Variants in XRRA1 observed in about 807,000 individuals in gnomAD.
XRRA1 encodes the protein X-ray radiation resistance associated 1, also known as X-ray radiation resistance-associated protein 1.
A neutral mutation model predicts 80.2 loss-of-function variants in XRRA1; 69 were observed. The observed-to-expected ratio is 0.86, with a 90% CI of 0.71 to 1.05. The LOEUF (loss-of-function observed/expected upper bound fraction) is 1.05. XRRA1 is among the 50% of genes least tolerant of loss of function. The pLI is 0.00. For synonymous variants in XRRA1, 348 were observed against 389.9 expected (o/e 0.89, Z 1.27); for missense variants, 967 against 976.4 (o/e 0.99, Z 0.13).
chr11:74,936,830 T>C, intron 4 of XRRA1, 54 bp downstream of exon 4: 1 of 1,548,708 alleles, frequency 6.5e-7, no homozygotes. Context: ...CCTTCCCCAC[T>C]TCCTCCCCAC....
At position 74,842,998 on chromosome 11, in the gene XRRA1, TG is replaced by T; in HGVS notation, c.*201del. On this transcript the variant is annotated 3_prime_UTR_variant, in exon 19 of 19. Coordinates refer to ENST00000684022, the MANE Select transcript of XRRA1 (RefSeq NM_001378157.1). ...CTGTGCACCCACTCTTTATTGCCGC[TG>T]GGCCAGGCACCAGGTCATGCCTGGG... The T allele has an allele frequency of 1.5e-6, 1 of 658,586 alleles. No homozygotes were observed. 40.8% of individuals were successfully genotyped at this position (658,586 alleles called of 1,614,324 possible). A position where few individuals can be genotyped will look rare whatever the true frequency, so the allele number is the denominator to read the frequency against.
At chr11:74,940,715 G>T in intron 3 of XRRA1, 70 bp downstream of exon 3, 1 of 1,261,246 alleles carries the variant, frequency 7.9e-7, no homozygotes, top group Non-Finnish European at 1.1e-6. Context: ...AGAAGAACAA[G>T]TAGATGTGAG....
At chr11:74,890,780 T>C (rs2050462846) in intron 10 of XRRA1, among the ~76,000 whole-genome samples, 1 of 152,106 alleles carries the variant, frequency 6.6e-6, no homozygotes, top group Admixed American at 6.6e-5. Flanking sequence ...AACACCTCTA[T>C]GCAAATAAAC....
intron 10 of XRRA1, among the ~76,000 whole-genome samples, chr11:74,902,324 A>T (rs1266234179): frequency 6.6e-6 from 1 of 152,228 alleles, no homozygotes; most frequent in Non-Finnish European, 1.5e-5. Context: ...CTGGGAATGT[A>T]AATTAGCACA....
chr11:74,881,161 A>G (rs2047464020), intron 10 of XRRA1, among the ~76,000 whole-genome samples: 1 of 149,592 alleles, frequency 6.7e-6, no homozygotes, highest in Non-Finnish European at 1.5e-5. Flanking sequence ...TTGGGTGCAT[A>G]TATATTTAGG....
intron 10 of XRRA1, among the ~76,000 whole-genome samples, chr11:74,870,819 A>T (rs923377704): frequency 6.6e-6 from 1 of 152,138 alleles, no homozygotes; most frequent in Non-Finnish European, 1.5e-5. Context: ...AAACTCAACA[A>T]TGAGGAGGAA....
rs754619004 is a variant in XRRA1, at chr11:74,845,048, A to C, written c.1927+25T>G. 2.5e-6 allele frequency: 4 copies of C among 1,610,492 alleles called. No individual in the cohort carries two copies. In the Admixed American group the frequency reaches 6.7e-5, roughly 27 times the overall value. On this transcript the variant is annotated intron_variant, in intron 16 of 18. Transcript: ENST00000684022. The stretch of plus-strand genomic sequence containing the variant: ...AGCTGTGGAGATGGCCTCTTGCCCT[A>C]GAGCAAGGATATGCCCTCACATACC...
chr11:74,892,698 C>A (rs1403254199), intron 10 of XRRA1, among the ~76,000 whole-genome samples: 2 of 152,046 alleles, frequency 1.3e-5, no homozygotes, highest in Non-Finnish European at 2.9e-5. Context: ...TGAACTCAAA[C>A]AAATTTACAA....
chr11:74,906,256 T>G lies in XRRA1; in HGVS notation c.986A>C (p.Lys329Thr). The G allele has an allele frequency of 1.2e-6, 2 of 1,613,626 alleles. No individual in the cohort carries two copies. The highest frequency in any genetic ancestry group is 1.7e-6 in the Non-Finnish European group (2 of 1,179,682). The change falls in exon 10 of 19, where the codon AAG (lysine) becomes ACG (threonine). Residue 329 changes from lysine (K) to threonine (T), a missense_variant. Transcript: ENST00000684022. ...QLDYTVLPMK[K>T]DVDRTEVVFS... The stretch of plus-strand genomic sequence containing the variant: ...TCACTCACCTGTCCGGTCAACATCC[T>G]TTTTCATGGGCAGTACAGTATAATC...
chr11:74,940,982 A>G (rs1236909205), intron 2 of XRRA1, 100 bp from the exon 3 acceptor site: 2 of 784,028 alleles, frequency 2.6e-6, no homozygotes, highest in African/African-American at 3.4e-5. Context: ...GGACCACCAC[A>G]CCCGCACACA....
chr11:74,871,824 C>T (rs372875117), intron 10 of XRRA1, among the ~76,000 whole-genome samples: 2 of 152,286 alleles, frequency 1.3e-5, no homozygotes, highest in African/African-American at 2.4e-5. Context: ...CTGATGACTC[C>T]GATAGGTATA....
chr11:74,939,886 C>T (rs1044213345), intron 3 of XRRA1, among the ~76,000 whole-genome samples: 7 of 150,064 alleles, frequency 4.7e-5, no homozygotes, highest in African/African-American at 4.9e-5. Context: ...AGAGAGAGAG[C>T]GAGAGCAAGA....
At chr11:74,918,332 G>A (rs1394976717) in intron 8 of XRRA1, among the ~76,000 whole-genome samples, 5 of 146,540 alleles carry the variant, frequency 3.4e-5, no homozygotes, top group Non-Finnish European at 7.6e-5. Flanking sequence ...GTGTGCACTC[G>A]CATGCACACT....
At chr11:74,917,327 G>A (rs748081984) in intron 8 of XRRA1, among the ~76,000 whole-genome samples, 13 of 152,130 alleles carry the variant, frequency 8.5e-5, no homozygotes, top group East Asian at 1.9e-4. Context: ...AGCTGCTACC[G>A]GGTTAAAGCT....
intron 16 of XRRA1, among the ~76,000 whole-genome samples, chr11:74,844,838 T>A (rs2037599987): frequency 6.6e-6 from 1 of 152,378 alleles, no homozygotes; most frequent in South Asian, 2.1e-4. Context: ...CTAGAATCTC[T>A]GAATAAACTG....
At position 74,926,403 on chromosome 11, in the gene XRRA1, T is replaced by A. The variant is rs1294076536; in HGVS notation, c.522+988A>T. Among the ~76,000 whole-genome samples the A allele has an allele frequency of 3.3e-5, 5 of 152,328 alleles. No individual in the cohort carries two copies. In the East Asian group the frequency reaches 9.6e-4, roughly 29 times the overall value. Reference sequence around the variant, plus strand: ...CCCTTGATGTTTGCAGATGAAATCATTTAAGTTAACAGCTTTTTGGGGTTG... The same window carrying A: ...CCCTTGATGTTTGCAGATGAAATCAATTAAGTTAACAGCTTTTTGGGGTTG... On this transcript the variant is annotated intron_variant, in intron 7 of 18. Coordinates refer to ENST00000684022, the MANE Select transcript of XRRA1 (RefSeq NM_001378157.1).
rs753737373 is a variant in XRRA1, at chr11:74,907,110, G to C, written c.785+35C>G. 6.2e-6 allele frequency: 10 copies of C among 1,611,956 alleles called. No homozygotes were observed. The East Asian group carries it at 2.2e-4, about 36-fold the overall frequency. On this transcript the variant is annotated intron_variant, in intron 9 of 18. Coordinates refer to ENST00000684022, the MANE Select transcript of XRRA1 (RefSeq NM_001378157.1). ...AGAGTGTGAGCAAGCCTGGGGATTA[G>C]AGGAGGCCCAGCAGAGAAAGGCTTA...
In XRRA1 at chr11:74,887,694, G is replaced by A. The variant is rs1031492465; in HGVS notation, c.1003+18545C>T. 4.6e-5 allele frequency among the ~76,000 whole-genome samples: 7 copies of A among 152,158 alleles called. No individual in the cohort carries two copies. The East Asian group carries it at 5.8e-4, about 13-fold the overall frequency. On this transcript the variant is annotated intron_variant, in intron 10 of 18. Transcript: ENST00000684022. Reference sequence around the variant, plus strand: ...CTACTCAAAGAAAGGGGTGACAGACGGCACCTGGAAAATCGGGTCACTCCC... The same window carrying A: ...CTACTCAAAGAAAGGGGTGACAGACAGCACCTGGAAAATCGGGTCACTCCC...
intron 10 of XRRA1, chr11:74,863,802 C>T (rs1399768170): frequency 6.6e-6 from 1 of 152,148 alleles, no homozygotes; most frequent in Non-Finnish European, 1.5e-5. Flanking sequence ...AATAACTTCT[C>T]CTGTGATGAG....
Sources: gnomAD v4.1 joint callset for allele counts (sites outside exome capture counted in the v4.1 genomes callset) on GRCh38, gnomAD v4.1.1 for gene constraint, MANE v1.5 for transcripts, NCBI Gene and HGNC (gene_info 2026-07-23, HGNC 2026-07-21) for gene names.